The following PTPRG variants were observed in gnomAD, a reference collection of about 807,000 sequenced individuals.
PTPRG encodes receptor-type tyrosine-protein phosphatase gamma.
PTPRG carries 102 observed loss-of-function variants against 165.3 expected under a neutral mutation model. The observed-to-expected ratio is 0.62, with a 90% CI of 0.53 to 0.73. The LOEUF (loss-of-function observed/expected upper bound fraction) is 0.73, where lower values mean the gene tolerates loss of function less well. Among genes scored for constraint, PTPRG ranks in the 30% least tolerant of loss-of-function variants. The pLI is 0.00. For synonymous variants in PTPRG, 675 were observed against 669.5 expected (o/e 1.01, Z -0.13); for missense variants, 1,866 against 1,861.4 (o/e 1.00, Z -0.05).
chr3:61,777,828 T>A (rs765596206), intron 2 of PTPRG, among the ~76,000 whole-genome samples: 2 of 152,208 alleles, frequency 1.3e-5, no homozygotes, highest in Non-Finnish European at 2.9e-5. Flanking sequence ...CTGTTCACCA[T>A]ATTTTTATTC....
chr3:61,780,855 G>A lies in PTPRG; in HGVS notation c.190+31873G>A, dbSNP rs996781566. ...CCATGAAATTAAAATGTGTGCCTATGTCCATATTCTTTGCTTTTGAGGGCG... is the reference window on the plus strand; with the variant it reads ...CCATGAAATTAAAATGTGTGCCTATATCCATATTCTTTGCTTTTGAGGGCG... On this transcript the variant is annotated intron_variant, in intron 2 of 29. Transcript: ENST00000474889. Among the ~76,000 whole-genome samples the A allele has an allele frequency of 1.3e-4, 20 of 152,356 alleles. No individual in the cohort carries two copies. In the East Asian group the frequency reaches 1.5e-3, roughly 12 times the overall value.
At chr3:61,936,435 G>T (rs1486093132) in intron 2 of PTPRG, among the ~76,000 whole-genome samples, 1 of 152,106 alleles carries the variant, frequency 6.6e-6, no homozygotes, top group African/African-American at 2.4e-5. Flanking sequence ...GACTTTTTTA[G>T]CTTGGCTTTG....
At chr3:61,722,288 C>CT (rs1231671598) in intron 1 of PTPRG, among the ~76,000 whole-genome samples, 1 of 152,136 alleles carries the variant, frequency 6.6e-6, no homozygotes, top group African/African-American at 2.4e-5. Context: ...AATGAACTCT[C>CT]TCCCTTCATA....
chr3:61,966,196 T>C (rs1210756140), intron 2 of PTPRG, among the ~76,000 whole-genome samples: 2 of 152,230 alleles, frequency 1.3e-5, no homozygotes, highest in Non-Finnish European at 2.9e-5. Context: ...TCATCTCGCA[T>C]GCTTAACTAT....
At chr3:61,751,449 T>C (rs1299553847) in intron 2 of PTPRG, among the ~76,000 whole-genome samples, 3 of 152,202 alleles carry the variant, frequency 2.0e-5, no homozygotes, top group Non-Finnish European at 2.9e-5. Context: ...TTTAATAGTC[T>C]AGATTTTAAT....
chr3:62,041,286 T>G (rs953740855), intron 4 of PTPRG, among the ~76,000 whole-genome samples: 2 of 152,212 alleles, frequency 1.3e-5, no homozygotes, highest in Non-Finnish European at 2.9e-5. Flanking sequence ...TAGAAGCCTT[T>G]TCGGATGCCA....
At chr3:61,928,952 A>G (rs12490787) in intron 2 of PTPRG, among the ~76,000 whole-genome samples, 2,579 of 152,272 alleles carry the variant, frequency 0.017, 39 homozygotes, top group South Asian at 0.075. Context: ...TGTGGTTGTC[A>G]CAACGGGAAG....
intron 4 of PTPRG, among the ~76,000 whole-genome samples, chr3:62,064,721 ATTTTTTTTTTTTTT>A (rs35605831): frequency 1.6e-5 from 1 of 62,886 alleles, no homozygotes; most frequent in Middle Eastern, 0.013. Flanking sequence ...GGTTATTTGG[ATTTTTTTTTTTTTT>A]TTTTTTTTTT....
intron 1 of PTPRG, among the ~76,000 whole-genome samples, chr3:61,735,969 G>A (rs868726200): frequency 1.1e-3 from 167 of 150,776 alleles, no homozygotes; most frequent in South Asian, 2.7e-3. Flanking sequence ...GCGCAGTGGC[G>A]TGATCTCAGC....
chr3:61,590,922 C>T (rs545794988), intron 1 of PTPRG, among the ~76,000 whole-genome samples: 1 of 152,114 alleles, frequency 6.6e-6, no homozygotes, highest in East Asian at 1.9e-4. Flanking sequence ...CCAGCCTGGC[C>T]AACATGATGA....
chr3:62,112,133 C>G (rs1411193138), intron 5 of PTPRG, among the ~76,000 whole-genome samples: 1 of 151,910 alleles, frequency 6.6e-6, no homozygotes, highest in East Asian at 1.9e-4. Context: ...TGGAGTTTCA[C>G]TCTGTCGCCC....
chr3:62,051,727 TGTTTTGTCAATTA>T (rs1210814390), intron 4 of PTPRG, among the ~76,000 whole-genome samples: 1 of 152,204 alleles, frequency 6.6e-6, no homozygotes, highest in Admixed American at 6.5e-5. Context: ...ACTAGTTTTA[TGTTTTGTCAATTA>T]AAAGAAAGCT....
At chr3:61,563,172 G>A (rs985502920) in intron 1 of PTPRG, among the ~76,000 whole-genome samples, 1 of 150,134 alleles carries the variant, frequency 6.7e-6, no homozygotes, top group African/African-American at 2.4e-5. Flanking sequence ...CGGTTTCGGC[G>A]GCCGGGTTGC....
rs1457000776 is a variant in PTPRG at position 61,742,491 on chromosome 3, G to A, written c.86-6387G>A. The stretch of plus-strand genomic sequence containing the variant: ...GCTGGGGCTTGCCCATGGTGCTCTC[G>A]ATATATAAGGCCCGGACATTCTGCC... On this transcript the variant is annotated intron_variant, in intron 1 of 29. Coordinates refer to ENST00000474889, the MANE Select transcript of PTPRG (RefSeq NM_002841.4). 5 of 1,591,058 alleles carry A rather than the reference G, an allele frequency of 3.1e-6. No homozygotes were observed. The East Asian group carries it at 6.7e-5, about 21-fold the overall frequency.
intron 1 of PTPRG, among the ~76,000 whole-genome samples, chr3:61,600,724 G>T (rs1345071315): frequency 6.6e-6 from 1 of 151,966 alleles, no homozygotes; most frequent in African/African-American, 2.4e-5. Flanking sequence ...TTTTTTTGTG[G>T]AGATAGAGTT....
chr3:61,637,436 A>C (rs1442635427), intron 1 of PTPRG, among the ~76,000 whole-genome samples: 1 of 152,190 alleles, frequency 6.6e-6, no homozygotes, highest in African/African-American at 2.4e-5. Context: ...CCCACAATAC[A>C]CCATCATGTG....
intron 2 of PTPRG, among the ~76,000 whole-genome samples, chr3:61,822,870 A>G (rs796714638): frequency 7.2e-5 from 11 of 152,306 alleles, no homozygotes; most frequent in African/African-American, 2.6e-4. Flanking sequence ...AAAAAAGGAG[A>G]CAGAGGAAAG....
At chr3:62,132,553 T>C in intron 5 of PTPRG, 49 bp from the exon 6 acceptor site, 1 of 1,412,040 alleles carries the variant, frequency 7.1e-7, no homozygotes. Context: ...GAGACTGTTG[T>C]GCCTGATGCC....
chr3:62,087,435 G>A (rs1455385588), intron 5 of PTPRG, among the ~76,000 whole-genome samples: 1 of 152,164 alleles, frequency 6.6e-6, no homozygotes, highest in Non-Finnish European at 1.5e-5. Flanking sequence ...GTTGCAAGAT[G>A]TTTCTAAATA....
Sources: gnomAD v4.1 joint callset for allele counts (sites outside exome capture counted in the v4.1 genomes callset) on GRCh38, gnomAD v4.1.1 for gene constraint, MANE v1.5 for transcripts, NCBI Gene and HGNC (gene_info 2026-07-23, HGNC 2026-07-21) for gene names.